MYH15: variants seen among roughly 807,000 people sequenced by gnomAD.
MYH15 encodes the protein myosin heavy chain 15, also known as myosin-15.
A neutral mutation model predicts 240.5 loss-of-function variants in MYH15; 227 were observed. The observed-to-expected ratio is 0.94, with a 90% CI of 0.85 to 1.05. The LOEUF (loss-of-function observed/expected upper bound fraction) is 1.05, where lower values mean the gene tolerates loss of function less well. Ranked by LOEUF, MYH15 falls within the 50% of genes least tolerant of loss-of-function variation. The pLI is 0.00. For missense variants in MYH15, 2,217 were observed against 2,247.5 expected (o/e 0.99, Z 0.27); for synonymous variants, 785 against 796.7 (o/e 0.99, Z 0.25).
Position 108,501,980 on chromosome 3 carries a change from AG to A in MYH15, c.196-126del, listed in dbSNP as rs1158888424. ...TGATGCCTCATTAGGGGATGGGGCC[AG>A]AAGAAATTAAGCCAGCCTTCATGGA... On this transcript the variant is annotated intron_variant, in intron 2 of 40. Transcript: ENST00000693548. 4 of 1,006,414 alleles carry A rather than the reference AG, an allele frequency of 4.0e-6. No individual in the cohort carries two copies. The East Asian group carries it at 9.6e-5, about 24-fold the overall frequency. 62.3% of individuals were successfully genotyped at this position (1,006,414 alleles called of 1,614,324 possible). A position where few individuals can be genotyped will look rare whatever the true frequency, so the allele number is the denominator to read the frequency against.
the MYH15 span, chr3:108,550,118 T>G: frequency 6.6e-6 from 1 of 152,052 alleles, no homozygotes; most frequent in African/African-American, 2.4e-5. Flanking sequence ...TGTATTGGTA[T>G]AGCAATAAAA....
chr3:108,478,820 T>C (rs923207311), intron 11 of MYH15, among the ~76,000 whole-genome samples: 1 of 152,182 alleles, frequency 6.6e-6, no homozygotes, highest in Non-Finnish European at 1.5e-5. Context: ...AGCACAGTCC[T>C]TTGAGTCTAT....
intron 37 of MYH15, 29 bp downstream of exon 37, chr3:108,391,731 C>A: frequency 1.2e-6 from 2 of 1,603,870 alleles, no homozygotes; most frequent in South Asian, 2.3e-5. Flanking sequence ...TGGGGACTGT[C>A]AAGCCCTCAT....
intron 21 of MYH15, among the ~76,000 whole-genome samples, chr3:108,449,914 G>C: frequency 6.6e-6 from 1 of 151,896 alleles, no homozygotes; most frequent in Non-Finnish European, 1.5e-5. Context: ...GCAATGACCT[G>C]ATAGACATTT....
intron 1 of MYH15, among the ~76,000 whole-genome samples, chr3:108,522,082 T>C (rs1243687574): frequency 6.6e-6 from 1 of 152,088 alleles, no homozygotes; most frequent in Non-Finnish European, 1.5e-5. Context: ...CTGTTAATAG[T>C]AATAAGCCTG....
chr3:108,417,143 G>A (rs1351123807), intron 28 of MYH15, among the ~76,000 whole-genome samples: 1 of 152,180 alleles, frequency 6.6e-6, no homozygotes, highest in Admixed American at 6.5e-5. Context: ...CTGATTTTTA[G>A]TAATAAGTAT....
intron 18 of MYH15, among the ~76,000 whole-genome samples, chr3:108,457,337 A>T (rs1407826289): frequency 6.6e-6 from 1 of 152,188 alleles, no homozygotes; most frequent in African/African-American, 2.4e-5. Flanking sequence ...AGATAGACAC[A>T]ACCACAACAT....
upstream of MYH15, among the ~76,000 whole-genome samples, chr3:108,533,897 A>G (rs1339583727): frequency 1.3e-5 from 2 of 152,244 alleles, no homozygotes; most frequent in Non-Finnish European, 2.9e-5. Flanking sequence ...ATACCTCCAG[A>G]TAAAAGCTAG....
intron 1 of MYH15, among the ~76,000 whole-genome samples, chr3:108,506,663 T>C (rs1459629794): frequency 6.6e-6 from 1 of 152,186 alleles, no homozygotes; most frequent in East Asian, 1.9e-4. Context: ...GGTGAGAGGA[T>C]CTCTTGACCC....
chr3:108,392,039 A>G (rs2082426226), intron 36 of MYH15, 109 bp from the exon 37 acceptor site: 4 of 1,187,850 alleles, frequency 3.4e-6, no homozygotes, highest in Non-Finnish European at 4.8e-6. Flanking sequence ...CCTTGCCTCT[A>G]TGTATGTGAT....
upstream of MYH15, among the ~76,000 whole-genome samples, chr3:108,532,247 G>A (rs1350144420): frequency 1.3e-5 from 2 of 152,002 alleles, no homozygotes; most frequent in African/African-American, 2.4e-5. Flanking sequence ...GTTTCTGGAC[G>A]AGATTAACAT....
intron 34 of MYH15, 112 bp downstream of exon 34, chr3:108,398,963 T>A: frequency 6.9e-7 from 1 of 1,458,140 alleles, no homozygotes; most frequent in Non-Finnish European, 9.5e-7. Flanking sequence ...TCTGGAAAGA[T>A]TAGATTTGTT....
chr3:108,474,785 C>A (rs2107589675), intron 12 of MYH15, among the ~76,000 whole-genome samples: 1 of 152,274 alleles, frequency 6.6e-6, no homozygotes, highest in South Asian at 2.1e-4. Flanking sequence ...TAACCCCCTG[C>A]CAAGAAATAG....
Position 108,388,830 on chromosome 3 carries a change from G to T in MYH15, c.5535+140C>A, listed in dbSNP as rs1476482348. Reference sequence around the variant, plus strand: ...AATAGCACAGGAGCTCTGGGAGGGTGAGTCAGTGTCTACTGCTGAAGGAGA... The same window carrying T: ...AATAGCACAGGAGCTCTGGGAGGGTTAGTCAGTGTCTACTGCTGAAGGAGA... On this transcript the variant is annotated intron_variant, in intron 38 of 40. Coordinates refer to ENST00000693548, the MANE Select transcript of MYH15 (RefSeq NM_014981.3). The T allele has an allele frequency of 1.7e-5, 11 of 640,772 alleles. No individual in the cohort carries two copies. In the African/African-American group the frequency reaches 1.9e-4, roughly 11 times the overall value. The allele number at this position is 640,772 out of a possible 1,614,324, so 39.7% of individuals were successfully genotyped here. A position where few individuals can be genotyped will look rare whatever the true frequency, so the allele number is the denominator to read the frequency against.
intron 1 of MYH15, among the ~76,000 whole-genome samples, chr3:108,509,897 T>C (rs1409241057): frequency 1.3e-5 from 2 of 152,106 alleles, no homozygotes; most frequent in Admixed American, 6.6e-5. Flanking sequence ...AGTCTCCTAA[T>C]TACCTTTTGC....
At chr3:108,523,709 G>C (rs1218098087) in intron 1 of MYH15, among the ~76,000 whole-genome samples, 4 of 151,664 alleles carry the variant, frequency 2.6e-5, no homozygotes, top group Non-Finnish European at 4.4e-5. Flanking sequence ...AACAATTTAG[G>C]ATGTATTCTT....
intron 35 of MYH15, among the ~76,000 whole-genome samples, chr3:108,397,996 C>A (rs931079560): frequency 1.3e-4 from 20 of 152,030 alleles, no homozygotes; most frequent in African/African-American, 4.8e-4. Flanking sequence ...CACACACACA[C>A]AAAAAGATAT....
the MYH15 span, among the ~76,000 whole-genome samples, chr3:108,545,657 C>T: frequency 6.6e-6 from 1 of 151,494 alleles, no homozygotes; most frequent in African/African-American, 2.4e-5. Flanking sequence ...TTTCATTATG[C>T]AGAGGTTACC....
intron 36 of MYH15, among the ~76,000 whole-genome samples, chr3:108,393,298 C>A (rs2082434100): frequency 6.6e-6 from 1 of 152,170 alleles, no homozygotes; most frequent in Admixed American, 6.5e-5. Flanking sequence ...CCAAGCCCCA[C>A]TCTGCAAGCT....
Sources: gnomAD v4.1 joint callset for allele counts (sites outside exome capture counted in the v4.1 genomes callset) on GRCh38, gnomAD v4.1.1 for gene constraint, MANE v1.5 for transcripts, NCBI Gene and HGNC (gene_info 2026-07-23, HGNC 2026-07-21) for gene names.